Variants in EMID1 observed in about 807,000 individuals in gnomAD.
The protein encoded by EMID1 is EMI domain-containing protein 1.
In EMID1, 40 loss-of-function variants were observed where a neutral mutation model predicts 60.6. The observed-to-expected ratio is 0.66, with a 90% confidence interval of 0.51 to 0.86. EMID1 has a LOEUF of 0.86. Ranked by LOEUF, EMID1 falls within the 40% of genes least tolerant of loss-of-function variation. The pLI, the probability that EMID1 is intolerant of heterozygous loss-of-function variation, is 0.00. For synonymous variants in EMID1, 242 were observed against 231.0 expected, an observed-to-expected ratio of 1.05 and a Z score of -0.43; for missense variants, 585 against 597.1, an observed-to-expected ratio of 0.98 and a Z score of 0.21.
At chr22:29,227,604 C>A (rs1372883104) in intron 5 of EMID1, among the ~76,000 whole-genome samples, 2 of 148,760 alleles carry the variant, frequency 1.3e-5, no homozygotes, top group African/African-American at 5.0e-5. Context: ...ACAAAGGAGG[C>A]TGAGGCTTGA....
At chr22:29,210,240 C>G in intron 1 of EMID1, among the ~76,000 whole-genome samples, 1 of 144,628 alleles carries the variant, frequency 6.9e-6, no homozygotes, top group Non-Finnish European at 1.5e-5. Flanking sequence ...GGCAGGGACC[C>G]ACATGGCAAA....
rs1391290762 is a variant in EMID1 at position 29,259,045 on chromosome 22, C to T, written c.*101C>T. The T allele has an allele frequency of 4.0e-6, 6 of 1,505,688 alleles. No homozygotes were observed. Among genetic ancestry groups the T allele is most frequent in the Non-Finnish European group, 5.3e-6 (6 of 1,124,936 alleles). 93.3% of individuals were successfully genotyped at this position (1,505,688 alleles called of 1,614,324 possible). ...CCGCCCGTCCATATTTATTAATGTC[C>T]TCAGGGTCCCTTCTGCCATCTAGGC... On this transcript the variant is annotated 3_prime_UTR_variant, in exon 15 of 15. Transcript: ENST00000334018.
rs1044925343 is a variant in EMID1 at position 29,212,932 on chromosome 22, C to T, written c.102-1994C>T. Reference sequence around the variant, plus strand: ...AACACGTGGACGGCTCTGGGCACAGCTCCTGGCGTGCAGCAAGCATGATAA... The same window carrying T: ...AACACGTGGACGGCTCTGGGCACAGTTCCTGGCGTGCAGCAAGCATGATAA... On this transcript the variant is annotated intron_variant, in intron 1 of 14. Transcript: ENST00000334018. 2.8e-4 allele frequency among the ~76,000 whole-genome samples: 43 copies of T among 152,218 alleles called. 1 individual carries two copies. The highest frequency in any genetic ancestry group is 6.5e-5 in the Admixed American group (1 of 15,280).
chr22:29,251,981 A>T (rs2041544531), intron 13 of EMID1, among the ~76,000 whole-genome samples: 1 of 151,962 alleles, frequency 6.6e-6, no homozygotes, highest in Non-Finnish European at 1.5e-5. Context: ...TCTAATTTTT[A>T]AATTTTTTGT....
At chr22:29,251,137 T>A (rs1309110644) in intron 13 of EMID1, among the ~76,000 whole-genome samples, 1 of 151,538 alleles carries the variant, frequency 6.6e-6, no homozygotes, top group Non-Finnish European at 1.5e-5. Context: ...CTGGCTGGAG[T>A]GCAGTGGTAC....
At chr22:29,239,904 C>T (rs567306031) in intron 12 of EMID1, among the ~76,000 whole-genome samples, 2 of 115,380 alleles carry the variant, frequency 1.7e-5, no homozygotes, top group South Asian at 2.5e-4. Flanking sequence ...GGACTACAGG[C>T]GCCTGCCACC....
rs2058074895 is a variant in EMID1, at chr22:29,259,185, C to G, written c.*241C>G. The G allele has an allele frequency of 5.1e-6, 3 of 583,918 alleles. No homozygotes were observed. The highest frequency in any genetic ancestry group is 5.7e-6 in the Non-Finnish European group (2 of 348,092). The allele number at this position is 583,918 out of a possible 1,614,324, so 36.2% of individuals were successfully genotyped here. ...CTCTGTGAAGTGGGGGGAGGCAGGC[C>G]TTCAAGGAGGGATAGAGGTACAAGG... is the stretch of plus-strand genomic sequence containing the variant. On this transcript the variant is annotated 3_prime_UTR_variant, in exon 15 of 15. Transcript: ENST00000334018.
intron 4 of EMID1, among the ~76,000 whole-genome samples, chr22:29,225,662 G>C (rs936396319): frequency 6.6e-6 from 1 of 151,582 alleles, no homozygotes; most frequent in Non-Finnish European, 1.5e-5. Context: ...CCCCGCCCCA[G>C]GCCCCACAGC....
chr22:29,230,982 G>A, intron 5 of EMID1, 38 bp from the exon 6 acceptor site: 1 of 1,596,512 alleles, frequency 6.3e-7, no homozygotes, highest in South Asian at 1.1e-5. Flanking sequence ...GTCCTAGTGA[G>A]ACCCTGGTAC....
intron 5 of EMID1, among the ~76,000 whole-genome samples, chr22:29,229,254 A>T (rs1177769752): frequency 4.6e-5 from 7 of 152,040 alleles, no homozygotes; most frequent in African/African-American, 1.7e-4. Flanking sequence ...CAGGAGGATC[A>T]CTTGAGCTCA....
At position 29,254,305 on chromosome 22, in the gene EMID1, G is replaced by C. The variant is rs372648723; in HGVS notation, c.1204+18G>C. The stretch of plus-strand genomic sequence containing the variant: ...GCTCTATGGTGAGTAGAGACAGACA[G>C]ACGGACAGACGGCCCAGCCCCTGCC... On this transcript the variant is annotated intron_variant, in intron 14 of 14. Coordinates refer to ENST00000334018, the MANE Select transcript of EMID1 (RefSeq NM_133455.4). The C allele has an allele frequency of 9.9e-6, 16 of 1,610,168 alleles. No homozygotes were observed. The African/African-American group carries it at 1.1e-4, about 11-fold the overall frequency.
chr22:29,230,854 G>A (rs1188392772), intron 5 of EMID1, among the ~76,000 whole-genome samples, 166 bp from the exon 6 acceptor site: 1 of 152,184 alleles, frequency 6.6e-6, no homozygotes, highest in African/African-American at 2.4e-5. Flanking sequence ...TACTTGGAAG[G>A]CTGAGGCAGA....
chr22:29,215,031 G>A lies in EMID1; in HGVS notation c.207G>A (p.Pro69=), dbSNP rs367634074. 5.6e-5 allele frequency: 86 copies of A among 1,537,574 alleles called. No individual in the cohort carries two copies. The highest frequency in any genetic ancestry group is 1.5e-4 in the South Asian group (12 of 82,240). The part of the protein sequence containing the change: ...LQNCPWPMSC[P]GSSYRTVVRP... ...ACTGCCCCTGGCCCATGAGCTGTCCGGGGAGCAGGTAAATGAGGTGGAGAA... is the reference window on the plus strand; with the variant it reads ...ACTGCCCCTGGCCCATGAGCTGTCCAGGGAGCAGGTAAATGAGGTGGAGAA... The change falls in exon 2 of 15, where the codon CCG becomes CCA. Residue 69 remains proline (P), a synonymous_variant. Coordinates refer to ENST00000334018, the MANE Select transcript of EMID1 (RefSeq NM_133455.4).
In EMID1 at chr22:29,237,945, C is replaced by T. The variant is rs183457680; in HGVS notation, c.1074+3596C>T. On this transcript the variant is annotated intron_variant, in intron 12 of 14. Coordinates refer to ENST00000334018, the MANE Select transcript of EMID1 (RefSeq NM_133455.4). Reference sequence around the variant, plus strand: ...ATTCCATAAAATAAAATAAGTGCTCCGCTGAAGAACTTCTTTTAATGTTTC... The same window carrying T: ...ATTCCATAAAATAAAATAAGTGCTCTGCTGAAGAACTTCTTTTAATGTTTC... Among the ~76,000 whole-genome samples the T allele has an allele frequency of 7.3e-4, 105 of 144,734 alleles. 19 individuals are homozygous for T. The highest frequency in any genetic ancestry group is 2.7e-3 in the African/African-American group (100 of 36,674). 95.0% of individuals were successfully genotyped at this position (144,734 alleles called of 152,430 possible).
intron 13 of EMID1, 117 bp from the exon 14 acceptor site, chr22:29,254,086 G>A: frequency 6.4e-7 from 1 of 1,572,380 alleles, no homozygotes; most frequent in Non-Finnish European, 8.6e-7. Flanking sequence ...CCTGGGCTGT[G>A]GCAGGTAGTG....
At chr22:29,221,417 C>T (rs2040293970) in intron 3 of EMID1, among the ~76,000 whole-genome samples, 1 of 152,154 alleles carries the variant, frequency 6.6e-6, no homozygotes, top group Admixed American at 6.5e-5. Context: ...CTCTGTCGCC[C>T]AGGCTGGAGT....
chr22:29,256,564 G>A (rs893006238), intron 14 of EMID1, among the ~76,000 whole-genome samples: 2 of 151,988 alleles, frequency 1.3e-5, no homozygotes, highest in Non-Finnish European at 2.9e-5. Flanking sequence ...ACTGTAGGGA[G>A]CACTCATTGA....
intron 13 of EMID1, among the ~76,000 whole-genome samples, chr22:29,244,934 C>A (rs937532877): frequency 2.0e-5 from 3 of 152,106 alleles, no homozygotes; most frequent in Non-Finnish European, 4.4e-5. Context: ...ACTCCCCCTC[C>A]ACATGCAGTC....
chr22:29,236,796 C>A (rs753029947), intron 12 of EMID1, among the ~76,000 whole-genome samples: 3 of 145,820 alleles, frequency 2.1e-5, no homozygotes, highest in East Asian at 2.0e-4. Flanking sequence ...TCTTTTTTTT[C>A]TTTTTTTTTT....
Sources: gnomAD v4.1 joint callset for allele counts (sites outside exome capture counted in the v4.1 genomes callset) on GRCh38, gnomAD v4.1.1 for gene constraint, MANE v1.5 for transcripts, NCBI Gene and HGNC (gene_info 2026-07-23, HGNC 2026-07-21) for gene names.